The following EMILIN2 variants were observed in gnomAD, a reference collection of about 807,000 sequenced individuals.
EMILIN2 encodes EMILIN-2.
Under a neutral mutation model 87.1 loss-of-function variants are expected in EMILIN2, and 71 were observed. The ratio of observed to expected loss-of-function variants is 0.82; its 90% confidence interval spans 0.67 to 0.99. The LOEUF (loss-of-function observed/expected upper bound fraction) is 0.99. Ranked by LOEUF, EMILIN2 falls within the 50% of genes least tolerant of loss-of-function variation. The pLI, the probability that EMILIN2 is intolerant of heterozygous loss-of-function variation, is 0.00. For synonymous variants in EMILIN2, 581 were observed against 563.4 expected (o/e 1.03, Z -0.44); for missense variants, 1,407 against 1,371.8 (o/e 1.03, Z -0.40).
rs1342277208 is a variant in EMILIN2, at chr18:2,912,053, T to C, written c.2825-1014T>C. Among the ~76,000 whole-genome samples the C allele has an allele frequency of 6.1e-5, 9 of 147,508 alleles. No homozygotes were observed. In the South Asian group the frequency reaches 1.3e-3, roughly 21 times the overall value. On this transcript the variant is annotated intron_variant, in intron 7 of 7. Transcript: ENST00000254528. ...ACCACTTTTTTTTTTTTTTTTTTTT[T>C]TTTCTGAGACAGTCTTGTTCTGTCA... is the stretch of plus-strand genomic sequence containing the variant.
chr18:2,906,802 G>C lies in EMILIN2; in HGVS notation c.2379G>C (p.Pro793=). ...CGGCAGAGGCGCCCTCGCCCCCGCCGCCCGCAGAGGCCCCGAAGGAGCCGC... is the reference window on the plus strand; with the variant it reads ...CGGCAGAGGCGCCCTCGCCCCCGCCCCCCGCAGAGGCCCCGAAGGAGCCGC... ...QPSAKAPSPP[P]PAEAPKEPLQ... The change falls in exon 5 of 8, where the codon CCG becomes CCC. Residue 793 remains proline (P), a synonymous_variant. Coordinates refer to ENST00000254528, the MANE Select transcript of EMILIN2 (RefSeq NM_032048.3). 7.7e-7 allele frequency: 1 copy of C among 1,292,352 alleles called. No homozygotes were observed. The highest frequency in any genetic ancestry group is 2.5e-5 in the South Asian group (1 of 40,094). The allele number at this position is 1,292,352 out of a possible 1,614,324, so 80.1% of individuals were successfully genotyped here.
intron 4 of EMILIN2, among the ~76,000 whole-genome samples, chr18:2,905,259 C>T (rs2076904548): frequency 8.3e-6 from 1 of 120,640 alleles, no homozygotes; most frequent in African/African-American, 3.3e-5. Flanking sequence ...GAGAAACTGC[C>T]TCTCTCAGGG....
rs1362783069 is a variant in EMILIN2 at position 2,847,334 on chromosome 18, C to G, written c.134+12C>G. The stretch of plus-strand genomic sequence containing the variant: ...AGCGCCAGGAACAAGTAAGTGCGCG[C>G]CCCTTGGCTGGCCCCAAACCGCCTA... On this transcript the variant is annotated intron_variant, in intron 1 of 7. Coordinates refer to ENST00000254528, the MANE Select transcript of EMILIN2 (RefSeq NM_032048.3). This position sits in a 1 kb window ranked among gnomAD's most constrained non-coding sequence, Gnocchi z 4.5. 1.5e-6 allele frequency: 2 copies of G among 1,309,316 alleles called. No homozygotes were observed. Among genetic ancestry groups the G allele is most frequent in the East Asian group, 6.4e-5 (2 of 31,388 alleles). 81.1% of individuals were successfully genotyped at this position (1,309,316 alleles called of 1,614,324 possible). A position where few individuals can be genotyped will look rare whatever the true frequency, so the allele number is the denominator to read the frequency against.
chr18:2,846,626 G>T (rs2076574771), upstream of EMILIN2, among the ~76,000 whole-genome samples: 1 of 152,234 alleles, frequency 6.6e-6, no homozygotes, highest in Non-Finnish European at 1.5e-5. The surrounding 1 kb of genome is among the most constrained non-coding windows in gnomAD (Gnocchi z 5.3). Flanking sequence ...CTCCCCGCGG[G>T]ACTGATAAAC....
chr18:2,903,505 TA>T (rs2076897208), intron 4 of EMILIN2, among the ~76,000 whole-genome samples: 3 of 152,210 alleles, frequency 2.0e-5, no homozygotes, highest in African/African-American at 7.2e-5. Context: ...TCCGTATTTC[TA>T]AATTGATTTA....
Position 2,890,929 on chromosome 18 carries a change from G to A in EMILIN2, c.802G>A (p.Glu268Lys), listed in dbSNP as rs1428741192. The A allele has an allele frequency of 1.2e-6, 2 of 1,613,988 alleles. No homozygotes were observed. The highest frequency in any genetic ancestry group is 1.7e-6 in the Non-Finnish European group (2 of 1,180,050). Residue 268 changes from glutamate to lysine, a missense_variant, in exon 4 of 8, where the codon GAA becomes AAA. Physicochemically the swap from Glu to Lys is moderately conservative, Grantham distance 56 (BLOSUM62 1). Transcript: ENST00000254528. The surrounding 1 kb of genome is among the most constrained non-coding windows in gnomAD (Gnocchi z 4.7). ...GAAGGACATCAAGTCTGAATTGGCT[G>A]AAGTCAAAGATACTCTAAAGAACAA... ...GMKDIKSELA[E>K]VKDTLKNKSD...
At chr18:2,899,301 C>T (rs2076877799) in intron 4 of EMILIN2, among the ~76,000 whole-genome samples, 1 of 152,142 alleles carries the variant, frequency 6.6e-6, no homozygotes, top group South Asian at 2.1e-4. Flanking sequence ...AGGGAGGACA[C>T]AGAATGAACC....
chr18:2,854,622 G>A (rs926592122), intron 2 of EMILIN2, among the ~76,000 whole-genome samples: 5 of 151,820 alleles, frequency 3.3e-5, no homozygotes, highest in African/African-American at 1.2e-4. Context: ...GTGAGACCTT[G>A]TCTTTACAAA....
At chr18:2,870,791 A>T (rs979241884) in intron 2 of EMILIN2, among the ~76,000 whole-genome samples, 56 of 152,188 alleles carry the variant, frequency 3.7e-4, no homozygotes, top group Non-Finnish European at 6.9e-4. Flanking sequence ...AGATCAAGAC[A>T]TCAGCAGGGT....
rs569150509 is a variant in EMILIN2, at chr18:2,860,524, G to A, written c.257+12593G>A. ...GTCCTTGTGATAGTTTGCTGAGAAT[G>A]ATGGTTTCCAGCTTCATCCATGTCC... On this transcript the variant is annotated intron_variant, in intron 2 of 7. Coordinates refer to ENST00000254528, the MANE Select transcript of EMILIN2 (RefSeq NM_032048.3). Among the ~76,000 whole-genome samples, 227 of 152,260 alleles carry A rather than the reference G, an allele frequency of 1.5e-3. 1 individual carries two copies. The highest frequency in any genetic ancestry group is 4.8e-3 in the African/African-American group (201 of 41,532).
chr18:2,892,379 A>G lies in EMILIN2; in HGVS notation c.2252A>G (p.His751Arg). The part of the protein sequence containing the change: ...VRQMNGTLRS[H>R]SRDISGLKNS... ...CAGATGAACGGAACGCTCAGGTCGCATTCCAGAGACATTTCTGGCCTGAAG... is the reference window on the plus strand; with the variant it reads ...CAGATGAACGGAACGCTCAGGTCGCGTTCCAGAGACATTTCTGGCCTGAAG... The change falls in exon 4 of 8, where the codon CAT becomes CGT. Residue 751 changes from histidine (H) to arginine (R), a missense_variant. Physicochemically the swap from His to Arg is conservative, Grantham distance 29 (BLOSUM62 0). Coordinates refer to ENST00000254528, the MANE Select transcript of EMILIN2 (RefSeq NM_032048.3). 6.2e-7 allele frequency: 1 copy of G among 1,614,168 alleles called. No individual in the cohort carries two copies. The highest frequency in any genetic ancestry group is 8.5e-7 in the Non-Finnish European group (1 of 1,180,046).
rs980064841 is a variant in EMILIN2, at chr18:2,848,384, C to T, written c.257+453C>T. Among the ~76,000 whole-genome samples the T allele has an allele frequency of 2.0e-5, 3 of 152,116 alleles. No homozygotes were observed. The highest frequency in any genetic ancestry group is 7.2e-5 in the African/African-American group (3 of 41,396). The stretch of plus-strand genomic sequence containing the variant: ...AGTAGTGTTCTAAAACGAGTGAGTT[C>T]TGTCCGTATGTCCCCATAAAACGGA... On this transcript the variant is annotated intron_variant, in intron 2 of 7. Transcript: ENST00000254528. This position sits in a 1 kb window ranked among gnomAD's most constrained non-coding sequence, Gnocchi z 4.1.
intron 4 of EMILIN2, among the ~76,000 whole-genome samples, chr18:2,897,599 C>T (rs538015327): frequency 6.6e-6 from 1 of 152,306 alleles, no homozygotes; most frequent in South Asian, 2.1e-4. Context: ...GGCGCGGTGG[C>T]TCATGCCTGT....
intron 2 of EMILIN2, among the ~76,000 whole-genome samples, chr18:2,878,053 A>G (rs777814344): frequency 8.5e-5 from 13 of 152,170 alleles, no homozygotes; most frequent in African/African-American, 2.2e-4. Flanking sequence ...GCAGAGGGGA[A>G]TGGGGAGATG....
At chr18:2,892,589 G>T in intron 4 of EMILIN2, 103 bp downstream of exon 4, 4 of 1,444,774 alleles carry the variant, frequency 2.8e-6, no homozygotes, top group Non-Finnish European at 3.7e-6. Flanking sequence ...GAAACTTCAT[G>T]AGGTAAAAAT....
chr18:2,847,135 C>G lies in EMILIN2; in HGVS notation c.-54C>G. 9.4e-7 allele frequency: 1 copy of G among 1,065,202 alleles called. No individual in the cohort carries two copies. Among genetic ancestry groups the G allele is most frequent in the Non-Finnish European group, 1.1e-6 (1 of 882,910 alleles). 66.0% of individuals were successfully genotyped at this position (1,065,202 alleles called of 1,614,324 possible). A position where few individuals can be genotyped will look rare whatever the true frequency, so the allele number is the denominator to read the frequency against. On this transcript the variant is annotated 5_prime_UTR_variant, in exon 1 of 8. Transcript: ENST00000254528. The surrounding 1 kb of genome is among the most constrained non-coding windows in gnomAD (Gnocchi z 4.5). ...CGCCGGCAGCCTTGTGGCCGGTGCC[C>G]CGATCCGCCGCGCTCCGGACCCGGG...
intron 2 of EMILIN2, among the ~76,000 whole-genome samples, chr18:2,860,522 A>G (rs2076655527): frequency 3.3e-5 from 5 of 152,114 alleles, no homozygotes; most frequent in Non-Finnish European, 7.4e-5. Flanking sequence ...TTTGCTGAGA[A>G]TGATGGTTTC....
Position 2,847,388 on chromosome 18 carries a change from G to T in EMILIN2, c.134+66G>T. 8.0e-7 allele frequency: 1 copy of T among 1,248,368 alleles called. No homozygotes were observed. Among genetic ancestry groups the T allele is most frequent in the South Asian group, 2.4e-5 (1 of 42,278 alleles). 77.3% of individuals were successfully genotyped at this position (1,248,368 alleles called of 1,614,324 possible). On this transcript the variant is annotated intron_variant, in intron 1 of 7. Transcript: ENST00000254528. The surrounding 1 kb of genome is among the most constrained non-coding windows in gnomAD (Gnocchi z 4.5). ...CTCCCCGGCCCCCAGTTGAGCCCCA[G>T]AGCTGCCCTGCCAAAGACGACGAGC...
At position 2,851,434 on chromosome 18, in the gene EMILIN2, C is replaced by T. The variant is rs1351905998; in HGVS notation, c.257+3503C>T. On this transcript the variant is annotated intron_variant, in intron 2 of 7. Coordinates refer to ENST00000254528, the MANE Select transcript of EMILIN2 (RefSeq NM_032048.3). The stretch of plus-strand genomic sequence containing the variant: ...TGGGTGATAGAGTGAGATCCTGTCT[C>T]GAAACACAGAGAGAGAGCATTCTGC... 5.3e-5 allele frequency among the ~76,000 whole-genome samples: 8 copies of T among 152,032 alleles called. No homozygotes were observed. The East Asian group carries it at 7.7e-4, about 15-fold the overall frequency.
Sources: allele counts gnomAD v4.1 joint callset (sites outside exome capture counted in the v4.1 genomes callset), GRCh38; gene constraint gnomAD v4.1.1; non-coding constraint Gnocchi (gnomAD v3.1); transcripts MANE v1.5; gene names NCBI Gene and HGNC (gene_info 2026-07-23, HGNC 2026-07-21).